The following OSER1 variants were observed in gnomAD, a reference collection of about 807,000 sequenced individuals.
The protein encoded by OSER1 is oxidative stress responsive serine rich 1.
OSER1 carries 15 observed loss-of-function variants against 26.3 expected under a neutral mutation model. The observed-to-expected ratio is 0.57, with a 90% CI of 0.38 to 0.88. The LOEUF (loss-of-function observed/expected upper bound fraction) is 0.88. Ranked by LOEUF, OSER1 falls within the 40% of genes least tolerant of loss-of-function variation. The pLI, the probability that OSER1 is intolerant of heterozygous loss-of-function variation, is 0.00. For missense variants in OSER1, 313 were observed against 353.9 expected (o/e 0.88, Z 0.93); for synonymous variants, 127 against 128.2 (o/e 0.99, Z 0.07).
At chr20:44,203,693 T>TTCAC (rs2073007873) in intron 2 of OSER1, among the ~76,000 whole-genome samples, 1 of 75,618 alleles carries the variant, frequency 1.3e-5, no homozygotes, top group Non-Finnish European at 2.4e-5. Context: ...CCAGACTTTT[T>TTCAC]TCACACACAC....
At chr20:44,210,541 G>T (rs1054003806) in intron 1 of OSER1, among the ~76,000 whole-genome samples, 155 bp downstream of exon 1, 3 of 152,208 alleles carry the variant, frequency 2.0e-5, no homozygotes, top group African/African-American at 7.2e-5. Context: ...CAGATAAGGG[G>T]GCGCGGAGAG....
At chr20:44,198,348 G>A (rs1184091510) in intron 3 of OSER1, among the ~76,000 whole-genome samples, 8 of 152,140 alleles carry the variant, frequency 5.3e-5, no homozygotes, top group Non-Finnish European at 1.2e-4. Flanking sequence ...AGCCAGGCGC[G>A]GTGGCTCACG....
At chr20:44,199,991 G>C (rs1223154383) in intron 3 of OSER1, among the ~76,000 whole-genome samples, 1 of 152,230 alleles carries the variant, frequency 6.6e-6, no homozygotes, top group Non-Finnish European at 1.5e-5. Context: ...CTCCCTGCCT[G>C]TTTTTGTACA....
intron 2 of OSER1, among the ~76,000 whole-genome samples, chr20:44,204,842 CTT>C (rs766734714): frequency 3.4e-5 from 5 of 145,864 alleles, no homozygotes; most frequent in Non-Finnish European, 4.6e-5. Flanking sequence ...CTTAATTTTA[CTT>C]TTTTTTTTTT....
chr20:44,200,995 GAAGA>G (rs2072976302), intron 3 of OSER1, among the ~76,000 whole-genome samples: 1 of 151,486 alleles, frequency 6.6e-6, no homozygotes, highest in Admixed American at 6.6e-5. Flanking sequence ...CAAAACCAAG[GAAGA>G]AATAAAGACA....
Position 44,200,140 on chromosome 20 carries a change from A to C in OSER1, c.192-2401T>G, listed in dbSNP as rs368575985. Among the ~76,000 whole-genome samples the C allele has an allele frequency of 8.5e-5, 13 of 152,326 alleles. No individual in the cohort carries two copies. In the East Asian group the frequency reaches 2.5e-3, roughly 29 times the overall value. On this transcript the variant is annotated intron_variant, in intron 3 of 3. Coordinates refer to ENST00000255174, the MANE Select transcript of OSER1 (RefSeq NM_016470.8). ...CACTGTCCAGCGCCCGCACTAGCTA[A>C]CATCTACATGTTGGGTCTCTACTGT...
intron 3 of OSER1, among the ~76,000 whole-genome samples, chr20:44,202,221 C>T (rs751420850): frequency 4.6e-5 from 7 of 151,972 alleles, no homozygotes; most frequent in African/African-American, 7.3e-5. Flanking sequence ...ACTAAAAATA[C>T]TAAAATTACC....
At chr20:44,207,992 C>G (rs998729218) in intron 1 of OSER1, among the ~76,000 whole-genome samples, 1 of 151,998 alleles carries the variant, frequency 6.6e-6, no homozygotes, top group African/African-American at 2.4e-5. Flanking sequence ...TTAAGCAAAC[C>G]AGCATCTATG....
chr20:44,209,865 G>C (rs887861391), intron 1 of OSER1: 8 of 152,124 alleles, frequency 5.3e-5, no homozygotes, highest in Non-Finnish European at 1.2e-4. Flanking sequence ...GCGGGTAAGC[G>C]TTGTCATCAC....
chr20:44,209,271 G>C (rs1195351492), intron 1 of OSER1, among the ~76,000 whole-genome samples: 1 of 152,230 alleles, frequency 6.6e-6, no homozygotes, highest in African/African-American at 2.4e-5. Context: ...CTTCAGGAAT[G>C]AAGTTCTGTC....
At chr20:44,197,771 T>C (rs774670723) in intron 3 of OSER1, 32 bp from the exon 4 acceptor site, 1 of 1,449,550 alleles carries the variant, frequency 6.9e-7, no homozygotes, top group Non-Finnish European at 9.6e-7. Context: ...CAAGAAGATG[T>C]TGGGATATGG....
At chr20:44,207,047 G>T in intron 1 of OSER1, 49 bp from the exon 2 acceptor site, 1 of 879,432 alleles carries the variant, frequency 1.1e-6, no homozygotes, top group Non-Finnish European at 1.8e-6. Context: ...GGGATCAAAA[G>T]TATACCTGTT....
At chr20:44,203,428 C>T (rs2073003892) in intron 2 of OSER1, among the ~76,000 whole-genome samples, 1 of 152,178 alleles carries the variant, frequency 6.6e-6, no homozygotes, top group Admixed American at 6.5e-5. Flanking sequence ...TGGAACTAAA[C>T]TTAGTTTAGG....
In OSER1 at chr20:44,197,561, A is replaced by G. The variant is rs2072933388; in HGVS notation, c.370T>C (p.Ser124Pro). The G allele has an allele frequency of 4.3e-6, 7 of 1,614,128 alleles. No individual in the cohort carries two copies. Among genetic ancestry groups the G allele is most frequent in the East Asian group, 2.2e-5 (1 of 44,872 alleles). The change falls in exon 4 of 4, where the codon TCA (serine) becomes CCA (proline). Residue 124 changes from serine to proline, a missense_variant. Ser to Pro is a moderately conservative substitution (Grantham distance 74). Around this residue, in one of 2 missense-constraint regions of OSER1, gnomAD observed 300 missense variants for 318.3 expected, o/e 0.94. Transcript: ENST00000255174. ...CCTGCACTGAACTCTTTAGGGGATG[A>G]AATTCCCAGCCCACTGCTGCCATCA... is the stretch of plus-strand genomic sequence containing the variant. ...SPDGSSGLGI[S>P]SPKEFSAGES...
At position 44,196,116 on chromosome 20, in the gene OSER1, C is replaced by A. The variant is rs113220625; in HGVS notation, c.*936G>T. 6.6e-6 allele frequency among the ~76,000 whole-genome samples: 1 copy of A among 151,912 alleles called. No homozygotes were observed. Among genetic ancestry groups the A allele is most frequent in the Non-Finnish European group, 1.5e-5 (1 of 67,990 alleles). On this transcript the variant is annotated 3_prime_UTR_variant, in exon 4 of 4. Transcript: ENST00000255174. ...CAAGGATTCATCATCCAGCTGAAAC[C>A]GAAGACAGATTTTTTTTTTACCAAA...
chr20:44,206,275 GATTT>G (rs1288687936), intron 2 of OSER1, among the ~76,000 whole-genome samples: 2 of 152,150 alleles, frequency 1.3e-5, no homozygotes, highest in Non-Finnish European at 2.9e-5. Context: ...TAAAAATGTT[GATTT>G]ATTTTGGCCT....
rs1440873427 is a variant in OSER1 at position 44,203,092 on chromosome 20, G to A, written c.78-18C>T. On this transcript the variant is annotated intron_variant, in intron 2 of 3. Transcript: ENST00000255174. ...CTACAGACCTGAAGACAAGAACAAA[G>A]TTTACAGCTACAAAAAACTGTAAAA... 1 of 1,355,182 alleles carries A rather than the reference G, an allele frequency of 7.4e-7. No homozygotes were observed. The highest frequency in any genetic ancestry group is 1.1e-6 in the Non-Finnish European group (1 of 946,490). 83.9% of individuals were successfully genotyped at this position (1,355,182 alleles called of 1,614,324 possible).
At chr20:44,208,804 C>G (rs570211628) in intron 1 of OSER1, among the ~76,000 whole-genome samples, 1 of 152,128 alleles carries the variant, frequency 6.6e-6, no homozygotes, top group Non-Finnish European at 1.5e-5. Context: ...CAGCTCTTAC[C>G]GAGTTCATAA....
chr20:44,207,096 A>G, intron 1 of OSER1, 98 bp from the exon 2 acceptor site: 1 of 593,864 alleles, frequency 1.7e-6, no homozygotes, highest in Non-Finnish European at 3.0e-6. Context: ...TTTTTATTTC[A>G]AAAAGGAAGT....
Sources: gnomAD v4.1 joint callset for allele counts (sites outside exome capture counted in the v4.1 genomes callset) on GRCh38, gnomAD v4.1.1 for gene constraint, gnomAD v4.1.1 regional missense constraint, MANE v1.5 for transcripts, NCBI Gene and HGNC (gene_info 2026-07-23, HGNC 2026-07-21) for gene names.